TAF1: variants seen among roughly 807,000 people sequenced by gnomAD.
TAF1 encodes the protein TATA-box binding protein associated factor 1, also known as transcription initiation factor TFIID subunit 1.
In TAF1, 2 loss-of-function variants were observed where a neutral mutation model predicts 138.5. That is an observed-to-expected ratio of 0.01 (90% CI 0.01 to 0.05). The LOEUF is 0.05. Among genes scored for constraint, TAF1 ranks in the 10% least tolerant of loss-of-function variants. TAF1 has a pLI of 1.00. For synonymous variants in TAF1, 437 were observed against 503.2 expected (o/e 0.87, Z 1.76); for missense variants, 709 against 1,478.0 (o/e 0.48, Z 8.53).
At chrX:71,371,493 C>T (rs1003076018) in intron 3 of TAF1, among the ~76,000 whole-genome samples, 1 of 111,434 alleles carries the variant, frequency 9.0e-6, no homozygotes, top group Non-Finnish European at 1.9e-5. Context: ...TAGAAATAAG[C>T]AAGTAGTGTG....
chrX:71,525,830 ATT>A (rs61199901), intron 13 of TAF1, among the ~76,000 whole-genome samples: 5 of 90,982 alleles, frequency 5.5e-5, no homozygotes, highest in Non-Finnish European at 2.2e-5. Flanking sequence ...ATTTTTTTGT[ATT>A]TTTTTTTTTT....
chrX:71,517,018 G>A (rs1334871836), intron 13 of TAF1, among the ~76,000 whole-genome samples: 2 of 111,102 alleles, frequency 1.8e-5, no homozygotes, highest in African/African-American at 6.5e-5. Context: ...GCTGTTGGGT[G>A]TTTTTTAACC....
At chrX:71,382,144 C>CAT (rs1216140403) in intron 9 of TAF1, among the ~76,000 whole-genome samples, 1 of 112,042 alleles carries the variant, frequency 8.9e-6, no homozygotes, top group Non-Finnish European at 1.9e-5. Context: ...ATGTCAAGAG[C>CAT]ATAGTTTGTT....
At chrX:71,483,790 A>G (rs1335120354) in intron 13 of TAF1, among the ~76,000 whole-genome samples, 3 of 95,784 alleles carry the variant, frequency 3.1e-5, no homozygotes, top group Admixed American at 1.2e-4. Flanking sequence ...CTATATATAT[A>G]TATATATATA....
chrX:71,428,086 G>A (rs1261386246), intron 32 of TAF1, among the ~76,000 whole-genome samples: 1 of 95,382 alleles, frequency 1.0e-5, no homozygotes, highest in African/African-American at 3.9e-5. Context: ...CGCGATCTTG[G>A]CTCACTGCAC....
chrX:71,374,257 A>G (rs1175822056), intron 3 of TAF1, among the ~76,000 whole-genome samples: 9 of 109,466 alleles, frequency 8.2e-5, no homozygotes, highest in Non-Finnish European at 1.3e-4. Context: ...TAGTTTTTGT[A>G]TTTTTGACAG....
At chrX:71,459,215 T>G (rs1035389549) in intron 35 of TAF1, 12 of 1,108,753 alleles carry the variant, frequency 1.1e-5, no homozygotes, top group Middle Eastern at 5.2e-4. Flanking sequence ...GGTATGATGA[T>G]GAGGAGGAGG....
intron 13 of TAF1, among the ~76,000 whole-genome samples, chrX:71,480,623 G>A (rs1164467184): frequency 8.9e-6 from 1 of 111,863 alleles, no homozygotes; most frequent in Non-Finnish European, 1.9e-5. Context: ...ATACAGCATT[G>A]AACAAAAGTC....
At chrX:71,473,872 G>A (rs551317843) in intron 13 of TAF1, among the ~76,000 whole-genome samples, 16 of 111,204 alleles carry the variant, frequency 1.4e-4, no homozygotes, top group East Asian at 1.4e-3. Context: ...CTGGCTGGGC[G>A]CGGTGGCTCA....
chrX:71,448,962 G>A (rs961616235), intron 32 of TAF1, among the ~76,000 whole-genome samples: 1 of 109,127 alleles, frequency 9.2e-6, no homozygotes, highest in African/African-American at 3.3e-5. Context: ...GGGACTACAG[G>A]CATGTGCCAC....
At chrX:71,366,520 G>C in intron 1 of TAF1, 26 bp downstream of exon 1, 4 of 417,667 alleles carry the variant, frequency 9.6e-6, no homozygotes, top group Non-Finnish European at 1.5e-5. Flanking sequence ...TGGGGGTAGG[G>C]CTCGGGGGGT....
At chrX:71,410,292 T>TA (rs1223672227) in intron 28 of TAF1, among the ~76,000 whole-genome samples, 1 of 110,005 alleles carries the variant, frequency 9.1e-6, no homozygotes, top group African/African-American at 3.3e-5. Context: ...TTAAATAGCT[T>TA]AAAAAAATTT....
intron 33 of TAF1, 128 bp from the exon 34 acceptor site, chrX:71,454,613 G>T (rs2038199724): frequency 3.6e-6 from 2 of 560,514 alleles, no homozygotes; most frequent in Admixed American, 4.0e-5. Context: ...AATTTATTTT[G>T]ATTATTATCT....
At chrX:71,501,189 G>A (rs1459873780) in intron 13 of TAF1, among the ~76,000 whole-genome samples, 9 of 111,285 alleles carry the variant, frequency 8.1e-5, no homozygotes, top group Non-Finnish European at 1.7e-4. Context: ...CATATGAATA[G>A]GAAGGATATC....
intron 13 of TAF1, among the ~76,000 whole-genome samples, chrX:71,484,447 C>T (rs1430788488): frequency 1.8e-5 from 2 of 109,459 alleles, no homozygotes; most frequent in African/African-American, 6.7e-5. Flanking sequence ...ATTCTCCTGC[C>T]TCAGCCTCCC....
At chrX:71,517,985 T>A (rs1289805652) in intron 13 of TAF1, among the ~76,000 whole-genome samples, 1 of 109,928 alleles carries the variant, frequency 9.1e-6, no homozygotes, top group Non-Finnish European at 1.9e-5. Flanking sequence ...AAATTAAGAC[T>A]GGGCACAGTA....
intron 13 of TAF1, among the ~76,000 whole-genome samples, chrX:71,484,097 T>G (rs1281856316): frequency 9.0e-6 from 1 of 111,249 alleles, no homozygotes; most frequent in East Asian, 2.8e-4. Context: ...CTCAATCTCC[T>G]GGCATCAAGT....
intron 24 of TAF1, among the ~76,000 whole-genome samples, chrX:71,399,409 A>G (rs1431289706): frequency 1.9e-5 from 2 of 104,597 alleles, no homozygotes; most frequent in African/African-American, 3.5e-5. Flanking sequence ...GATGTCTGCC[A>G]CCATGCCTGG....
chrX:71,385,707 A>G (rs2034174316), intron 14 of TAF1, among the ~76,000 whole-genome samples: 1 of 111,635 alleles, frequency 9.0e-6, no homozygotes, highest in Admixed American at 9.6e-5. Context: ...AAGCATCTGC[A>G]AAGCTCAGTT....
Sources: gnomAD v4.1 joint callset for allele counts (sites outside exome capture counted in the v4.1 genomes callset) on GRCh38, gnomAD v4.1.1 for gene constraint, MANE v1.5 for transcripts, NCBI Gene and HGNC (gene_info 2026-07-23, HGNC 2026-07-21) for gene names.